Variants in KDM5B observed in about 807,000 individuals in gnomAD.
KDM5B encodes lysine-specific demethylase 5B.
Under a neutral mutation model 193.4 loss-of-function variants are expected in KDM5B, and 144 were observed. That is an observed-to-expected ratio of 0.74 (90% CI 0.65 to 0.86). KDM5B has a LOEUF of 0.86. KDM5B is among the 40% of genes least tolerant of loss of function. The probability of loss-of-function intolerance (pLI) is 0.00; values close to 1 mark genes in which losing one functional copy is unlikely to be tolerated. For synonymous variants in KDM5B, 668 were observed against 682.6 expected (o/e 0.98, Z 0.33); for missense variants, 1,833 against 1,886.9 (o/e 0.97, Z 0.53).
intron 1 of KDM5B, among the ~76,000 whole-genome samples, chr1:202,779,848 A>AAATAAAT (rs1657128288): frequency 1.6e-5 from 2 of 124,880 alleles, no homozygotes; most frequent in African/African-American, 3.0e-5. Context: ...AATAAATAAA[A>AAATAAAT]AATAAAGGAA....
Position 202,733,485 on chromosome 1 carries a change from A to G in KDM5B, c.3825T>C (p.Leu1275=). ...RAQQLLSSGN[L]KFVQDRVGSG... ...AGCCCACTCGATCTTGCACAAATTT[A>G]AGATTCCCTGACGAAAGCAGTTGCT... Residue 1275 remains leucine (L), a synonymous_variant, in exon 23 of 27, where the codon CTT becomes CTC. Coordinates refer to ENST00000367265, the MANE Select transcript of KDM5B (RefSeq NM_006618.5). 6.2e-7 allele frequency: 1 copy of G among 1,614,190 alleles called. No homozygotes were observed. Among genetic ancestry groups the G allele is most frequent in the Non-Finnish European group, 8.5e-7 (1 of 1,180,016 alleles).
chr1:202,755,499 C>T lies in KDM5B; in HGVS notation c.1357-47G>A, dbSNP rs746342739. On this transcript the variant is annotated intron_variant, in intron 10 of 26. Transcript: ENST00000367265. ...AGGATAAAGGTTTAGCTATACAATG[C>T]TAACGTTTTAGAAGGCCAGCTAAAA... 5 of 1,420,846 alleles carry T rather than the reference C, an allele frequency of 3.5e-6. No homozygotes were observed. In the African/African-American group the frequency reaches 4.3e-5, roughly 12 times the overall value. The allele number at this position is 1,420,846 out of a possible 1,614,324, so 88.0% of individuals were successfully genotyped here.
chr1:202,738,080 A>C (rs1481407532), intron 20 of KDM5B, among the ~76,000 whole-genome samples: 1 of 152,220 alleles, frequency 6.6e-6, no homozygotes, highest in African/African-American at 2.4e-5. Flanking sequence ...AATCCACTAA[A>C]TAGGAAGTAG....
chr1:202,784,239 G>C (rs1657316745), intron 1 of KDM5B, among the ~76,000 whole-genome samples: 1 of 152,142 alleles, frequency 6.6e-6, no homozygotes, highest in African/African-American at 2.4e-5. Flanking sequence ...TTTGAGATCT[G>C]ATAATTAGCA....
chr1:202,740,422 TC>T (rs1353023679), intron 20 of KDM5B, among the ~76,000 whole-genome samples: 2 of 101,232 alleles, frequency 2.0e-5, no homozygotes, highest in African/African-American at 6.9e-5. Context: ...CCCCCCCACC[TC>T]CCTCCCGGAC....
rs564934169 is a variant in KDM5B, at chr1:202,742,871, CAG to C, written c.2324-68_2324-67del. On this transcript the variant is annotated intron_variant, in intron 16 of 26. Coordinates refer to ENST00000367265, the MANE Select transcript of KDM5B (RefSeq NM_006618.5). The stretch of plus-strand genomic sequence containing the variant: ...TGTTTATTACTACTGGTATGAAATT[CAG>C]AGGAGACTGGTTTTGTCAGTTCTTG... The C allele has an allele frequency of 3.9e-4, 525 of 1,359,684 alleles. 3 individuals are homozygous for C. In the African/African-American group the frequency reaches 6.7e-3, roughly 17 times the overall value. The allele number at this position is 1,359,684 out of a possible 1,614,324, so 84.2% of individuals were successfully genotyped here.
At chr1:202,795,298 C>T (rs1489572452) in intron 1 of KDM5B, among the ~76,000 whole-genome samples, 2 of 152,088 alleles carry the variant, frequency 1.3e-5, no homozygotes, top group East Asian at 1.9e-4. Context: ...ACTGTCCTCA[C>T]CTATTTTTGG....
intron 4 of KDM5B, among the ~76,000 whole-genome samples, chr1:202,768,204 G>A (rs1008165977): frequency 3.9e-5 from 6 of 152,120 alleles, no homozygotes; most frequent in Admixed American, 2.0e-4. Context: ...TTCTAAGCTG[G>A]CTAAAGGAGG....
At chr1:202,779,092 G>C (rs1657087985) in intron 1 of KDM5B, among the ~76,000 whole-genome samples, 1 of 152,030 alleles carries the variant, frequency 6.6e-6, no homozygotes, top group African/African-American at 2.4e-5. Context: ...TTACATCCTT[G>C]TTTGTTTTAA....
At chr1:202,769,786 T>C (rs575721770) in intron 4 of KDM5B, among the ~76,000 whole-genome samples, 44 of 151,958 alleles carry the variant, frequency 2.9e-4, no homozygotes, top group African/African-American at 9.7e-4. Context: ...TTCTATTCTA[T>C]AACAAGTCCT....
rs772061048 is a variant in KDM5B, at chr1:202,750,825, A to G, written c.1702-47T>C. On this transcript the variant is annotated intron_variant, in intron 12 of 26. Coordinates refer to ENST00000367265, the MANE Select transcript of KDM5B (RefSeq NM_006618.5). The stretch of plus-strand genomic sequence containing the variant: ...ATTTTTGAGTTTCTTAAAGAGTGAC[A>G]TTGTTACTAAAGACAATCTGGACAC... 8.2e-6 allele frequency: 13 copies of G among 1,582,500 alleles called. No homozygotes were observed. In the East Asian group the frequency reaches 2.7e-4, roughly 33 times the overall value.
At chr1:202,805,215 T>A (rs906812049) in intron 1 of KDM5B, among the ~76,000 whole-genome samples, 1 of 152,250 alleles carries the variant, frequency 6.6e-6, no homozygotes, top group Non-Finnish European at 1.5e-5. Flanking sequence ...CAAGCCTGGT[T>A]ATCCTACATA....
chr1:202,747,570 A>T (rs12083444), intron 14 of KDM5B, among the ~76,000 whole-genome samples: 16,283 of 134,062 alleles, frequency 0.12, 1,093 homozygotes, highest in African/African-American at 0.21. Flanking sequence ...ACATATTTTT[A>T]AAAAAAAAAA....
At chr1:202,795,493 A>G (rs1657805926) in intron 1 of KDM5B, among the ~76,000 whole-genome samples, 1 of 152,044 alleles carries the variant, frequency 6.6e-6, no homozygotes, top group Non-Finnish European at 1.5e-5. Flanking sequence ...CTCTATTAAA[A>G]ATACAAAAAT....
chr1:202,803,951 G>C (rs1467178539), intron 1 of KDM5B, among the ~76,000 whole-genome samples: 1 of 113,718 alleles, frequency 8.8e-6, no homozygotes, highest in African/African-American at 3.4e-5. Context: ...GGGGAGGGGG[G>C]AGGGAAAGCA....
At position 202,725,093 on chromosome 1, in the gene KDM5B, C is replaced by G. The variant is rs774828261; in HGVS notation, c.*3943G>C. ...AGCCGGTTATCCTGAAAATAAGAAA[C>G]ACACCGAAACTCACCACTTTCTAGC... On this transcript the variant is annotated 3_prime_UTR_variant, in exon 27 of 27. Coordinates refer to ENST00000367265, the MANE Select transcript of KDM5B (RefSeq NM_006618.5). 6.6e-6 allele frequency: 1 copy of G among 152,174 alleles called. No individual in the cohort carries two copies. Among genetic ancestry groups the G allele is most frequent in the Non-Finnish European group, 1.5e-5 (1 of 68,042 alleles). The allele number at this position is 152,174 out of a possible 1,614,324, so 9.4% of individuals were successfully genotyped here. A position where few individuals can be genotyped will look rare whatever the true frequency, so the allele number is the denominator to read the frequency against.
At chr1:202,804,731 C>G (rs911341073) in intron 1 of KDM5B, among the ~76,000 whole-genome samples, 3 of 151,854 alleles carry the variant, frequency 2.0e-5, no homozygotes, top group African/African-American at 7.3e-5. Flanking sequence ...GAATCTAGGC[C>G]CGGCACGGTG....
intron 8 of KDM5B, among the ~76,000 whole-genome samples, chr1:202,759,550 CAAAAAA>C (rs67515433): frequency 8.6e-6 from 1 of 115,798 alleles, no homozygotes. Context: ...GATCCTGTCT[CAAAAAA>C]AAAAAAAAAA....
chr1:202,801,634 C>A (rs202097203), intron 1 of KDM5B, among the ~76,000 whole-genome samples: 24 of 151,926 alleles, frequency 1.6e-4, no homozygotes, highest in East Asian at 1.4e-3. Flanking sequence ...TTTTTATTTA[C>A]AATTTTCATT....
Sources: allele counts gnomAD v4.1 joint callset (sites outside exome capture counted in the v4.1 genomes callset), GRCh38; gene constraint gnomAD v4.1.1; transcripts MANE v1.5; gene names NCBI Gene and HGNC (gene_info 2026-07-23, HGNC 2026-07-21).